The following TBX1 variants were observed in gnomAD, a reference collection of about 807,000 sequenced individuals.
The protein encoded by TBX1 is T-box transcription factor 1, also known as T-box transcription factor TBX1.
In TBX1, 16 loss-of-function variants were observed where a neutral mutation model predicts 40.8. The observed-to-expected ratio is 0.39, with a 90% CI of 0.27 to 0.60. TBX1 has a LOEUF of 0.60. Ranked by LOEUF, TBX1 falls within the 20% of genes least tolerant of loss-of-function variation. The pLI is 0.51. For synonymous variants in TBX1, 403 were observed against 336.8 expected (o/e 1.20, Z -2.15); for missense variants, 755 against 728.5 (o/e 1.04, Z -0.42).
upstream of TBX1, among the ~76,000 whole-genome samples, chr22:19,758,858 A>G (rs527989704): frequency 6.6e-6 from 1 of 152,222 alleles, no homozygotes; most frequent in African/African-American, 2.4e-5. Flanking sequence ...TAGTGAGCCA[A>G]CTTCAGGGGG....
chr22:19,777,501 A>G (rs573346726), intron 8 of TBX1, among the ~76,000 whole-genome samples: 128 of 152,316 alleles, frequency 8.4e-4, no homozygotes, highest in Non-Finnish European at 1.6e-3. Context: ...TGCTATTGTG[A>G]ATAGTGCTGC....
upstream of TBX1, among the ~76,000 whole-genome samples, chr22:19,758,863 A>C (rs1193303953): frequency 6.6e-6 from 1 of 152,190 alleles, no homozygotes; most frequent in Admixed American, 6.5e-5. Flanking sequence ...AGCCAACTTC[A>C]GGGGGCTGTT....
At chr22:19,763,720 G>A (rs1936741750) in intron 2 of TBX1, 5 of 397,748 alleles carry the variant, frequency 1.3e-5, no homozygotes, top group East Asian at 5.2e-5. Flanking sequence ...GAGCTGGGCC[G>A]GAAAGGTGGG....
downstream of TBX1, among the ~76,000 whole-genome samples, chr22:19,769,046 C>T (rs1936944472): frequency 1.3e-5 from 2 of 149,852 alleles, no homozygotes; most frequent in South Asian, 2.1e-4. Flanking sequence ...CTGCAACCTC[C>T]GCCTCCTGGG....
At chr22:19,775,940 CA>C (rs1312118993) in intron 8 of TBX1, among the ~76,000 whole-genome samples, 3 of 152,178 alleles carry the variant, frequency 2.0e-5, no homozygotes, top group Admixed American at 6.5e-5. Context: ...GGCTGGGCAT[CA>C]GAAGGCTGGT....
At chr22:19,759,667 G>A (rs757654739), upstream of TBX1, 3 of 1,612,518 alleles carry the variant, frequency 1.9e-6, no homozygotes, top group South Asian at 3.3e-5. Context: ...CCGTCACCAG[G>A]GACATGGAAG....
chr22:19,759,463 G>A, upstream of TBX1: 3 of 1,426,794 alleles, frequency 2.1e-6, no homozygotes, highest in Non-Finnish European at 2.7e-6. Flanking sequence ...CACGCAGTCG[G>A]AGGCGGCGCC....
chr22:19,768,309 C>T (rs1458045642), downstream of TBX1, among the ~76,000 whole-genome samples: 1 of 152,250 alleles, frequency 6.6e-6, no homozygotes. Context: ...CCAGGAGTTT[C>T]CAGATGTCCA....
At chr22:19,763,426 G>T in intron 2 of TBX1, 84 bp downstream of exon 2, 2 of 1,300,798 alleles carry the variant, frequency 1.5e-6, no homozygotes, top group Non-Finnish European at 2.2e-6. Context: ...AACTCCAAGG[G>T]TCGTCTGCAC....
In TBX1 at chr22:19,760,829, G is replaced by T; in HGVS notation, c.-15G>T. On this transcript the variant is annotated 5_prime_UTR_variant, in exon 1 of 7. Coordinates refer to ENST00000649276, the MANE Select transcript of TBX1 (RefSeq NM_001379200.1). ...TCAGCTTGGTGGCGGGGGCGGCGGCGGCGGCCCGCGGGTCATGATCTCCGC... is the reference window on the plus strand; with the variant it reads ...TCAGCTTGGTGGCGGGGGCGGCGGCTGCGGCCCGCGGGTCATGATCTCCGC... 1.2e-6 allele frequency: 1 copy of T among 859,652 alleles called. No homozygotes were observed. Among genetic ancestry groups the T allele is most frequent in the South Asian group, 4.9e-5 (1 of 20,282 alleles). The allele number at this position is 859,652 out of a possible 1,614,324, so 53.3% of individuals were successfully genotyped here. A position where few individuals can be genotyped will look rare whatever the true frequency, so the allele number is the denominator to read the frequency against.
intron 1 of TBX1, among the ~76,000 whole-genome samples, chr22:19,762,357 G>A (rs147774414): frequency 0.01 from 1,575 of 152,358 alleles, 31 homozygotes; most frequent in African/African-American, 0.036. Flanking sequence ...TCTGCCCACC[G>A]CCTGCAGGGA....
At chr22:19,757,953 G>A (rs1445193754), upstream of TBX1, among the ~76,000 whole-genome samples, 1 of 152,166 alleles carries the variant, frequency 6.6e-6, no homozygotes, top group Non-Finnish European at 1.5e-5. Flanking sequence ...CAGGGGTTGT[G>A]GGGGGCAGGA....
chr22:19,783,203 C>G, downstream of TBX1: 1 of 642,828 alleles, frequency 1.6e-6, no homozygotes, highest in Admixed American at 2.2e-5. Flanking sequence ...CCCACGTGCC[C>G]AGAATGGCTG....
intron 2 of TBX1, chr22:19,763,597 C>G (rs575197695): frequency 7.4e-6 from 4 of 543,372 alleles, no homozygotes; most frequent in South Asian, 2.0e-5. Flanking sequence ...TGGTGTGGCC[C>G]TAGGGTGGTC....
At chr22:19,760,637 GAGGGCCGGGGGAGGGATCT>G (rs1936618571), upstream of TBX1, among the ~76,000 whole-genome samples, 1 of 101,024 alleles carries the variant, frequency 9.9e-6, no homozygotes, top group African/African-American at 3.8e-5. Context: ...GGGGAGGGGC[GAGGGCCGGGGGAGGGATCT>G]AGTCCATTGT....
rs1248701468 is a variant in TBX1 at position 19,763,800 on chromosome 22, C to G, written c.540-355C>G. The G allele has an allele frequency of 8.9e-6, 4 of 450,002 alleles. No individual in the cohort carries two copies. In the South Asian group the frequency reaches 1.1e-4, roughly 13 times the overall value. 27.9% of individuals were successfully genotyped at this position (450,002 alleles called of 1,614,324 possible). On this transcript the variant is annotated intron_variant, in intron 2 of 6. Transcript: ENST00000649276. ...AATTAACAGCAATTAATAAAGAGAA[C>G]GCGCACTGCCCTGTGCCTGAGGCCC...
At chr22:19,763,516 A>G in intron 2 of TBX1, 174 bp downstream of exon 2, 2 of 636,946 alleles carry the variant, frequency 3.1e-6, no homozygotes, top group African/African-American at 1.8e-5. Context: ...CAGACCCACA[A>G]CCCTACTCCA....
downstream of TBX1, among the ~76,000 whole-genome samples, chr22:19,779,805 TTC>T (rs1937120983): frequency 6.6e-6 from 1 of 152,232 alleles, no homozygotes; most frequent in East Asian, 1.9e-4. Context: ...CGCGTTCTTA[TTC>T]TTTCTCCGAC....
chr22:19,766,257 C>A, intron 6 of TBX1, 132 bp from the exon 7 acceptor site: 2 of 1,166,380 alleles, frequency 1.7e-6, no homozygotes, highest in Non-Finnish European at 2.1e-6. Flanking sequence ...GGGTCTCGGG[C>A]ACGCTGGCAC....
Sources: allele counts gnomAD v4.1 joint callset (sites outside exome capture counted in the v4.1 genomes callset), GRCh38; gene constraint gnomAD v4.1.1; transcripts MANE v1.5; gene names NCBI Gene and HGNC (gene_info 2026-07-23, HGNC 2026-07-21).